The following RBFOX1 variants were observed in gnomAD, a reference collection of about 807,000 sequenced individuals.
The protein encoded by RBFOX1 is RNA binding fox-1 homolog 1.
In RBFOX1, 8 loss-of-function variants were observed where a neutral mutation model predicts 57.7. The ratio of observed to expected loss-of-function variants is 0.14; its 90% CI spans 0.08 to 0.25. RBFOX1 has a LOEUF of 0.25. Among genes scored for constraint, RBFOX1 ranks in the 10% least tolerant of loss-of-function variants. The probability of loss-of-function intolerance (pLI) is 1.00; values close to 1 mark genes in which losing one functional copy is unlikely to be tolerated. For synonymous variants in RBFOX1, 326 were observed against 222.4 expected (o/e 1.47, Z -4.15); for missense variants, 611 against 548.5 (o/e 1.11, Z -1.14).
intron 3 of RBFOX1, among the ~76,000 whole-genome samples, chr16:6,898,425 G>T (rs1446670436): frequency 1.3e-5 from 2 of 152,168 alleles, no homozygotes; most frequent in Non-Finnish European, 2.9e-5. Context: ...TTGTTATGTG[G>T]CTGTGGTAGT....
chr16:6,636,391 C>A lies in RBFOX1; in HGVS notation c.-63-18212C>A, dbSNP rs573109321. 3.9e-5 allele frequency among the ~76,000 whole-genome samples: 6 copies of A among 152,084 alleles called. 1 individual carries two copies. In the South Asian group the frequency reaches 1.0e-3, roughly 26 times the overall value. Reference sequence around the variant, plus strand: ...TTCATGGTGTTAGCCAGGATGGTCTCGATCTCCTGACTTCGTGATCAGCCC... The same window carrying A: ...TTCATGGTGTTAGCCAGGATGGTCTAGATCTCCTGACTTCGTGATCAGCCC... On this transcript the variant is annotated intron_variant, in intron 2 of 15. Coordinates refer to ENST00000550418, the MANE Select transcript of RBFOX1 (RefSeq NM_018723.4).
Position 5,720,715 on chromosome 16 carries a change from C to G in RBFOX1, c.318+121754C>G, listed in dbSNP as rs560572210. Among the ~76,000 whole-genome samples the G allele has an allele frequency of 7.9e-5, 12 of 152,134 alleles. No homozygotes were observed. In the East Asian group the frequency reaches 2.3e-3, roughly 29 times the overall value. ...TCTTGCCCTTGAATGCCCTTTATGC[C>G]CTCGTCAAAAATCACTTATTCGTAA... is the stretch of plus-strand genomic sequence containing the variant. On this transcript the variant is annotated intron_variant, in intron 3 of 19. Coordinates refer to the RBFOX1 transcript ENST00000641259.
At chr16:5,420,443 C>T (rs187505028) in intron 1 of RBFOX1, among the ~76,000 whole-genome samples, 116 of 152,204 alleles carry the variant, frequency 7.6e-4, no homozygotes, top group Non-Finnish European at 1.5e-3. Flanking sequence ...CACACTCATA[C>T]AGTCATACAC....
chr16:7,646,751 T>G (rs2063815111), intron 11 of RBFOX1, among the ~76,000 whole-genome samples: 1 of 152,262 alleles, frequency 6.6e-6, no homozygotes, highest in Non-Finnish European at 1.5e-5. Context: ...CTCTAAAACT[T>G]TAATATGCAG....
At chr16:6,148,026 G>C (rs1373217525) in intron 1 of RBFOX1, among the ~76,000 whole-genome samples, 2 of 152,204 alleles carry the variant, frequency 1.3e-5, no homozygotes, top group African/African-American at 4.8e-5. Flanking sequence ...GCCAAAGGCT[G>C]GTTTCTAAAC....
chr16:6,490,090 G>C (rs1230808603), intron 2 of RBFOX1, among the ~76,000 whole-genome samples: 5 of 152,172 alleles, frequency 3.3e-5, no homozygotes, highest in South Asian at 2.1e-4. Flanking sequence ...CTAATGCCAG[G>C]CTGTTTGTTG....
intron 3 of RBFOX1, among the ~76,000 whole-genome samples, chr16:5,650,188 G>C (rs951205472): frequency 3.3e-5 from 5 of 152,152 alleles, no homozygotes; most frequent in African/African-American, 9.6e-5. Context: ...GTCGTAAGAC[G>C]AGGCTCTCAA....
chr16:5,725,242 A>T (rs1014528093), intron 3 of RBFOX1, among the ~76,000 whole-genome samples: 1 of 151,804 alleles, frequency 6.6e-6, no homozygotes, highest in Non-Finnish European at 1.5e-5. Context: ...TTTAAAAATT[A>T]TTTTCTATTT....
At chr16:7,437,028 C>G (rs539141657) in intron 4 of RBFOX1, among the ~76,000 whole-genome samples, 27 of 152,248 alleles carry the variant, frequency 1.8e-4, no homozygotes, top group African/African-American at 4.8e-4. Context: ...TTGCAGTAAG[C>G]CAAGATCACA....
intron 3 of RBFOX1, among the ~76,000 whole-genome samples, chr16:7,007,847 C>T (rs1231605376): frequency 1.3e-5 from 2 of 152,184 alleles, no homozygotes; most frequent in African/African-American, 4.8e-5. Context: ...ACCTAGTGGA[C>T]ACCTCAGCAT....
chr16:6,771,242 A>G (rs2078241583), intron 3 of RBFOX1, among the ~76,000 whole-genome samples: 1 of 152,124 alleles, frequency 6.6e-6, no homozygotes, highest in Non-Finnish European at 1.5e-5. Context: ...TACCCTCCAG[A>G]ATTGTGAGAA....
intron 1 of RBFOX1, among the ~76,000 whole-genome samples, chr16:5,458,848 C>G (rs1244389335): frequency 6.6e-6 from 1 of 152,216 alleles, no homozygotes; most frequent in Non-Finnish European, 1.5e-5. Flanking sequence ...CCAGGAATGG[C>G]CAACTCTGGG....
At chr16:6,396,496 C>G (rs978236902) in intron 2 of RBFOX1, among the ~76,000 whole-genome samples, 3 of 152,150 alleles carry the variant, frequency 2.0e-5, no homozygotes, top group Non-Finnish European at 4.4e-5. Context: ...TGGTGGATCT[C>G]TGAAGCATAT....
chr16:5,819,455 A>G, intron 3 of RBFOX1, among the ~76,000 whole-genome samples: 1 of 152,166 alleles, frequency 6.6e-6, no homozygotes, highest in Admixed American at 6.5e-5. Flanking sequence ...TCTGCTCTAG[A>G]GTGGTCTTTC....
intron 1 of RBFOX1, among the ~76,000 whole-genome samples, chr16:6,024,791 C>T (rs895333925): frequency 6.6e-6 from 1 of 152,224 alleles, no homozygotes; most frequent in African/African-American, 2.4e-5. Flanking sequence ...GCCTCATTCA[C>T]CCCTACTTTC....
chr16:7,391,252 T>C (rs2098012438), intron 4 of RBFOX1, among the ~76,000 whole-genome samples: 1 of 152,186 alleles, frequency 6.6e-6, no homozygotes, highest in Non-Finnish European at 1.5e-5. Flanking sequence ...AGTCTCTTTT[T>C]AGAATAGCAT....
intron 4 of RBFOX1, among the ~76,000 whole-genome samples, chr16:7,453,922 C>A (rs1245938973): frequency 6.6e-6 from 1 of 152,128 alleles, no homozygotes; most frequent in Non-Finnish European, 1.5e-5. Context: ...TGTTGGTCTT[C>A]TGGTAGGGGG....
rs115982457 is a variant in RBFOX1 at position 7,598,130 on chromosome 16, C to T, written c.622+699C>T. Among the ~76,000 whole-genome samples the T allele has an allele frequency of 3.7e-3, 567 of 152,218 alleles. 3 individuals are homozygous for T. The highest frequency in any genetic ancestry group is 0.013 in the African/African-American group (548 of 41,542). On this transcript the variant is annotated intron_variant, in intron 9 of 15. Coordinates refer to ENST00000550418, the MANE Select transcript of RBFOX1 (RefSeq NM_018723.4). The stretch of plus-strand genomic sequence containing the variant: ...TTAATTCCTCTCAAAATAAGTATCT[C>T]TTAAGATATATGGGGAAGAAACCTG...
chr16:6,829,607 C>G (rs1349620801), intron 3 of RBFOX1, among the ~76,000 whole-genome samples: 2 of 151,038 alleles, frequency 1.3e-5, no homozygotes, highest in African/African-American at 2.4e-5. Context: ...TTTCTTTTTT[C>G]TTTTGTTTTT....
Sources: gnomAD v4.1 joint callset for allele counts (sites outside exome capture counted in the v4.1 genomes callset) on GRCh38, gnomAD v4.1.1 for gene constraint, MANE v1.5 for transcripts, NCBI Gene and HGNC (gene_info 2026-07-23, HGNC 2026-07-21) for gene names.